The following MAST4 variants were observed in gnomAD, a reference collection of about 807,000 sequenced individuals.
MAST4 encodes the protein microtubule-associated serine/threonine-protein kinase 4.
Under a neutral mutation model 162.7 loss-of-function variants are expected in MAST4, and 89 were observed. The ratio of observed to expected loss-of-function variants is 0.55; its 90% CI spans 0.46 to 0.65. MAST4 has a LOEUF of 0.65. Among genes scored for constraint, MAST4 ranks in the 30% least tolerant of loss-of-function variants. The pLI is 0.00. For missense variants in MAST4, 3,153 were observed against 3,374.0 expected (o/e 0.93, Z 1.62); for synonymous variants, 1,479 against 1,361.1 (o/e 1.09, Z -1.91).
intron 3 of MAST4, among the ~76,000 whole-genome samples, chr5:66,790,239 A>C (rs535012034): frequency 1.3e-5 from 2 of 152,246 alleles, no homozygotes; most frequent in South Asian, 4.1e-4. Flanking sequence ...TAATGGATGC[A>C]GATTTTGTTC....
At chr5:67,104,641 G>C in intron 10 of MAST4, 66 bp downstream of exon 10, 1 of 1,289,304 alleles carries the variant, frequency 7.8e-7, no homozygotes, top group Non-Finnish European at 1.1e-6. Flanking sequence ...ATTTTTTTTT[G>C]CTTACAAGTT....
intron 14 of MAST4, among the ~76,000 whole-genome samples, chr5:67,125,342 T>C (rs540866271): frequency 8.6e-5 from 13 of 152,034 alleles, no homozygotes; most frequent in Admixed American, 7.9e-4. Flanking sequence ...CACGGTGGTT[T>C]GCTGCACCCA....
chr5:66,620,580 A>G (rs1744014898), intron 1 of MAST4, among the ~76,000 whole-genome samples: 1 of 152,222 alleles, frequency 6.6e-6, no homozygotes, highest in Non-Finnish European at 1.5e-5. Context: ...ATGCTGTAAT[A>G]GAGAAAAATT....
intron 1 of MAST4, among the ~76,000 whole-genome samples, chr5:66,622,456 A>G (rs932485436): frequency 7.6e-5 from 11 of 144,604 alleles, no homozygotes; most frequent in African/African-American, 2.8e-4. Flanking sequence ...AATCAGTTGC[A>G]TAGTCACTGG....
Position 67,078,927 on chromosome 5 carries a change from T to TAATATATATATATATATATA in MAST4, c.764-11234_764-11233insATATATATATATATATATAA, listed in dbSNP as rs1554093935. On this transcript the variant is annotated intron_variant, in intron 5 of 28. Transcript: ENST00000403625. ...TTTTATATAAATATATATATATATA[T>TAATATATATATATATATATA]ATATATATATATATATATATATATG... Among the ~76,000 whole-genome samples the TAATATATATATATATATATA allele has an allele frequency of 3.1e-4, 26 of 84,284 alleles. 1 individual carries two copies. The highest frequency in any genetic ancestry group is 1.5e-3 in the African/African-American group (25 of 17,150). The allele number at this position is 84,284 out of a possible 152,430, so 55.3% of individuals were successfully genotyped here.
chr5:67,163,850 C>A lies in MAST4; in HGVS notation c.4671C>A (p.Pro1557=), dbSNP rs538736862. ...AATCCCACCAGAAATCCCATGGACC[C>A]GGGAGTGATTTGGAAAACTTTGCTC... ...KQESHQKSHG[P]GSDLENFALF... Residue 1557 remains proline, a synonymous_variant, in exon 29 of 29, where the codon CCC becomes CCA. Coordinates refer to ENST00000403625, the MANE Select transcript of MAST4 (RefSeq NM_001164664.2). This position sits in a 1 kb window ranked among gnomAD's most constrained non-coding sequence, Gnocchi z 7.0. 3 of 1,613,770 alleles carry A rather than the reference C, an allele frequency of 1.9e-6. No individual in the cohort carries two copies. In the East Asian group the frequency reaches 6.7e-5, roughly 36 times the overall value.
At chr5:67,145,453 G>T in intron 23 of MAST4, 74 bp downstream of exon 23, 1 of 1,258,582 alleles carries the variant, frequency 7.9e-7, no homozygotes, top group Non-Finnish European at 1.1e-6. Flanking sequence ...TCCCAGGGCG[G>T]GCCTCGCCAG....
chr5:66,869,690 G>T (rs1458844021), intron 3 of MAST4, among the ~76,000 whole-genome samples: 1 of 152,164 alleles, frequency 6.6e-6, no homozygotes, highest in Non-Finnish European at 1.5e-5. Flanking sequence ...AGAAGAAAAA[G>T]AATACTTAAG....
intron 4 of MAST4, among the ~76,000 whole-genome samples, chr5:66,939,643 C>T (rs1743150721): frequency 6.6e-6 from 1 of 151,866 alleles, no homozygotes; most frequent in African/African-American, 2.4e-5. Context: ...GATAAATTTT[C>T]TAGATCTATA....
At chr5:66,679,557 T>A (rs1214882630) in intron 1 of MAST4, among the ~76,000 whole-genome samples, 1 of 152,210 alleles carries the variant, frequency 6.6e-6, no homozygotes, top group Non-Finnish European at 1.5e-5. Context: ...GATTTTTCCC[T>A]TCTTCATTTG....
intron 3 of MAST4, among the ~76,000 whole-genome samples, chr5:66,851,321 AAG>A (rs1491460569): frequency 6.6e-6 from 1 of 152,190 alleles, no homozygotes; most frequent in African/African-American, 2.4e-5. Context: ...AGAAGAGAAA[AAG>A]AGTTGGGTAG....
At chr5:67,064,649 G>A (rs1050899157) in intron 5 of MAST4, among the ~76,000 whole-genome samples, 1 of 152,186 alleles carries the variant, frequency 6.6e-6, no homozygotes, top group Non-Finnish European at 1.5e-5. Context: ...GGAGGCTGTT[G>A]CCTTTCAAAC....
intron 4 of MAST4, among the ~76,000 whole-genome samples, chr5:66,968,191 T>A (rs535145968): frequency 1.3e-5 from 2 of 152,332 alleles, no homozygotes; most frequent in African/African-American, 4.8e-5. Flanking sequence ...CTTTTGTACT[T>A]CTGCTTCATC....
chr5:67,148,678 C>T (rs1020398689), intron 23 of MAST4, among the ~76,000 whole-genome samples: 2 of 152,174 alleles, frequency 1.3e-5, no homozygotes, highest in African/African-American at 4.8e-5. Context: ...ATATGATACA[C>T]TGGATTAAAA....
At chr5:67,014,330 C>T (rs1295802129) in intron 4 of MAST4, among the ~76,000 whole-genome samples, 1 of 152,144 alleles carries the variant, frequency 6.6e-6, no homozygotes, top group Non-Finnish European at 1.5e-5. Flanking sequence ...ATAGTAGGTC[C>T]CTAAGCAGAA....
At chr5:67,010,039 C>T (rs73766130) in intron 4 of MAST4, among the ~76,000 whole-genome samples, 4,155 of 152,128 alleles carry the variant, frequency 0.027, 168 homozygotes, top group African/African-American at 0.082. Flanking sequence ...GAGAGTGAGG[C>T]GGGGAAAACA....
At chr5:67,128,833 A>G (rs999145528) in intron 14 of MAST4, among the ~76,000 whole-genome samples, 2 of 152,144 alleles carry the variant, frequency 1.3e-5, no homozygotes, top group Non-Finnish European at 2.9e-5. Flanking sequence ...GACATACTTT[A>G]CTGTGATTGA....
chr5:66,602,306 T>C (rs530676866), intron 1 of MAST4, among the ~76,000 whole-genome samples: 127 of 152,244 alleles, frequency 8.3e-4, no homozygotes, highest in Non-Finnish European at 1.2e-3. Flanking sequence ...GGTGTTTGGG[T>C]ACTAACACGC....
intron 2 of MAST4, among the ~76,000 whole-genome samples, chr5:66,769,009 G>A (rs1298397095): frequency 6.6e-6 from 1 of 152,030 alleles, no homozygotes; most frequent in African/African-American, 2.4e-5. Flanking sequence ...GAGAAGAGAA[G>A]GAGATATGAC....
Sources: allele counts gnomAD v4.1 joint callset (sites outside exome capture counted in the v4.1 genomes callset), GRCh38; gene constraint gnomAD v4.1.1; non-coding constraint Gnocchi (gnomAD v3.1); transcripts MANE v1.5; gene names NCBI Gene and HGNC (gene_info 2026-07-23, HGNC 2026-07-21).